Variants in PCDH9 observed in about 807,000 individuals in gnomAD.
PCDH9 encodes protocadherin-9.
Under a neutral mutation model 70.6 loss-of-function variants are expected in PCDH9, and 24 were observed. The observed-to-expected ratio is 0.34, with a 90% confidence interval of 0.25 to 0.48. The LOEUF (loss-of-function observed/expected upper bound fraction) is 0.48. Ranked by LOEUF, PCDH9 falls within the 20% of genes least tolerant of loss-of-function variation. The probability of loss-of-function intolerance (pLI) is 0.99; values close to 1 mark genes in which losing one functional copy is unlikely to be tolerated. For missense variants in PCDH9, 1,281 were observed against 1,503.6 expected (o/e 0.85, Z 2.45); for synonymous variants, 562 against 558.5 (o/e 1.01, Z -0.09).
At chr13:66,746,793 T>A (rs1165578490) in intron 3 of PCDH9, among the ~76,000 whole-genome samples, 1 of 152,012 alleles carries the variant, frequency 6.6e-6, no homozygotes, top group Admixed American at 6.6e-5. Context: ...CAAGATTAAA[T>A]TTTTTTTCAT....
intron 3 of PCDH9, among the ~76,000 whole-genome samples, chr13:66,677,096 G>T (rs532007286): frequency 1.1e-4 from 16 of 152,168 alleles, no homozygotes; most frequent in African/African-American, 3.9e-4. Flanking sequence ...AATCATTAAA[G>T]GGTGTGTAGC....
At chr13:66,888,131 T>C (rs141470381) in intron 3 of PCDH9, among the ~76,000 whole-genome samples, 6 of 152,150 alleles carry the variant, frequency 3.9e-5, no homozygotes, top group Non-Finnish European at 8.8e-5. Context: ...AAATGGGAAA[T>C]TGGCTAATCA....
At chr13:66,424,347 A>C (rs776162257) in intron 4 of PCDH9, among the ~76,000 whole-genome samples, 1 of 152,052 alleles carries the variant, frequency 6.6e-6, no homozygotes, top group Non-Finnish European at 1.5e-5. Context: ...TTGTAGAAAG[A>C]AAACTTTCAA....
At chr13:66,623,794 A>G (rs1317772697) in intron 4 of PCDH9, among the ~76,000 whole-genome samples, 1 of 152,194 alleles carries the variant, frequency 6.6e-6, no homozygotes, top group Non-Finnish European at 1.5e-5. Flanking sequence ...TTTACTTATA[A>G]TACTATCTAA....
At chr13:66,878,823 T>C (rs541469615) in intron 3 of PCDH9, among the ~76,000 whole-genome samples, 1 of 151,906 alleles carries the variant, frequency 6.6e-6, no homozygotes, top group South Asian at 2.1e-4. Context: ...AAAGCAGAGA[T>C]CAGAAGGTAA....
intron 4 of PCDH9, among the ~76,000 whole-genome samples, chr13:66,469,341 T>C (rs1958573023): frequency 6.6e-6 from 1 of 151,622 alleles, no homozygotes; most frequent in Non-Finnish European, 1.5e-5. Flanking sequence ...ACTTTAAAAA[T>C]GTATAGTCTG....
chr13:66,834,583 T>C (rs958309054), intron 3 of PCDH9, among the ~76,000 whole-genome samples: 1 of 152,228 alleles, frequency 6.6e-6, no homozygotes, highest in African/African-American at 2.4e-5. Context: ...ACATTTGCTT[T>C]GAAGGAAGTA....
At chr13:66,431,407 T>C (rs919928055) in intron 4 of PCDH9, among the ~76,000 whole-genome samples, 1 of 151,898 alleles carries the variant, frequency 6.6e-6, no homozygotes, top group Non-Finnish European at 1.5e-5. Flanking sequence ...CCAAACCCAG[T>C]AAATGGCAGA....
intron 4 of PCDH9, among the ~76,000 whole-genome samples, chr13:66,325,483 A>G (rs1423128324): frequency 2.6e-5 from 4 of 152,044 alleles, no homozygotes; most frequent in Non-Finnish European, 5.9e-5. Context: ...ATTTGTGTAG[A>G]GTTAAACTAT....
At position 66,554,968 on chromosome 13, in the gene PCDH9, A is replaced by T. The variant is rs1961663143; in HGVS notation, c.3340+76242T>A. Among the ~76,000 whole-genome samples the T allele has an allele frequency of 1.3e-5, 2 of 152,178 alleles. 1 individual carries two copies. Among genetic ancestry groups the T allele is most frequent in the East Asian group, 3.9e-4 (2 of 5,180 alleles). ...GCAGACCACCTGAGGTTGGGAGTTC[A>T]AGACCAGCCTGACCAACATGGAGAA... On this transcript the variant is annotated intron_variant, in intron 4 of 4. Transcript: ENST00000377865.
intron 3 of PCDH9, among the ~76,000 whole-genome samples, chr13:66,859,855 A>G (rs923862808): frequency 6.6e-6 from 1 of 152,114 alleles, no homozygotes; most frequent in African/African-American, 2.4e-5. Flanking sequence ...ATGCACCCCT[A>G]CTAATACAAA....
At chr13:67,062,452 T>C (rs949541309) in intron 2 of PCDH9, among the ~76,000 whole-genome samples, 14 of 152,148 alleles carry the variant, frequency 9.2e-5, no homozygotes, top group Non-Finnish European at 1.9e-4. Context: ...ATGTTAACCA[T>C]CTCAGATAAT....
At chr13:67,001,810 T>C (rs1383795201) in intron 2 of PCDH9, 1 of 152,188 alleles carries the variant, frequency 6.6e-6, no homozygotes, top group East Asian at 1.9e-4. Context: ...TTCTTTAGCT[T>C]TTACTTCTTT....
intron 4 of PCDH9, among the ~76,000 whole-genome samples, chr13:66,335,095 A>G (rs189327584): frequency 6.6e-6 from 1 of 152,120 alleles, no homozygotes; most frequent in East Asian, 1.9e-4. Context: ...TTTTCATCAC[A>G]TCACAGTAGC....
intron 2 of PCDH9, among the ~76,000 whole-genome samples, chr13:67,041,960 A>G (rs2085125426): frequency 6.6e-6 from 1 of 152,154 alleles, no homozygotes; most frequent in Non-Finnish European, 1.5e-5. Flanking sequence ...AAAATGAAGT[A>G]TGTCATTTCT....
intron 3 of PCDH9, among the ~76,000 whole-genome samples, chr13:66,717,480 A>AATATATATATATATATATAT (rs1169570608): frequency 2.3e-4 from 10 of 44,434 alleles, no homozygotes; most frequent in African/African-American, 7.1e-4. Flanking sequence ...AAAAAAAAAA[A>AATATATATATATATATATAT]ATATATATAT....
At chr13:67,059,315 G>A (rs1225659625) in intron 2 of PCDH9, among the ~76,000 whole-genome samples, 2 of 141,258 alleles carry the variant, frequency 1.4e-5, no homozygotes, top group African/African-American at 2.6e-5. Context: ...GGCGAGACAG[G>A]AGTAAAAAAA....
chr13:66,432,911 C>A (rs2138379934), intron 4 of PCDH9, among the ~76,000 whole-genome samples: 1 of 152,032 alleles, frequency 6.6e-6, no homozygotes, highest in African/African-American at 2.4e-5. Context: ...AATCCCAGGG[C>A]ATAGACTGTG....
Position 66,641,370 on chromosome 13 carries a change from C to G in PCDH9, c.3139-9959G>C, listed in dbSNP as rs186924870. On this transcript the variant is annotated intron_variant, in intron 3 of 4. Transcript: ENST00000377865. ...AGCAGTCACGTTAAAGAACTTGATC[C>G]TCTTCAGTAGGTTAATGGGAGGATT... Among the ~76,000 whole-genome samples the G allele has an allele frequency of 3.6e-3, 551 of 152,282 alleles. 2 individuals are homozygous for G. Among genetic ancestry groups the G allele is most frequent in the African/African-American group, 0.013 (533 of 41,566 alleles).
Sources: gnomAD v4.1 joint callset for allele counts (sites outside exome capture counted in the v4.1 genomes callset) on GRCh38, gnomAD v4.1.1 for gene constraint, MANE v1.5 for transcripts, NCBI Gene and HGNC (gene_info 2026-07-23, HGNC 2026-07-21) for gene names.